AP1S2: variants seen among roughly 807,000 people sequenced by gnomAD.
AP1S2 encodes the protein adaptor related protein complex 1 subunit sigma 2.
Under a neutral mutation model 14.3 loss-of-function variants are expected in AP1S2, and 1 was observed. The observed-to-expected ratio is 0.07, with a 90% confidence interval of 0.02 to 0.33. The LOEUF is 0.33. Ranked by LOEUF, AP1S2 falls within the 10% of genes least tolerant of loss-of-function variation. AP1S2 has a pLI of 0.99. For synonymous variants in AP1S2, 30 were observed against 40.5 expected, an observed-to-expected ratio of 0.74 and a Z score of 0.99; for missense variants, 30 against 117.7, an observed-to-expected ratio of 0.25 and a Z score of 3.45.
Position 15,834,378 on chromosome X carries a change from G to A in AP1S2, c.427-6178C>T, listed in dbSNP as rs1256829650. 4.4e-5 allele frequency among the ~76,000 whole-genome samples: 4 copies of A among 90,521 alleles called. No homozygotes were observed. In the Admixed American group the frequency reaches 5.1e-4, roughly 12 times the overall value. The allele number at this position is 90,521 out of a possible 115,157, so 78.6% of individuals were successfully genotyped here. On this transcript the variant is annotated intron_variant, in intron 4 of 5. Coordinates refer to ENST00000672987, the MANE Select transcript of AP1S2 (RefSeq NM_001272071.2). ...ACCCCATTATCACCACATAACCAAT[G>A]AGAAAGACTCTTCTCATCCGAGACC...
At position 15,834,439 on chromosome X, in the gene AP1S2, A is replaced by AATATATATATATATATATAT. The variant is rs1161066866; in HGVS notation, c.427-6259_427-6240dup. On this transcript the variant is annotated intron_variant, in intron 4 of 5. Transcript: ENST00000672987. ...ATTCCACTCCCATTCTCCCTTCCAAAATATATATATATATATATATATATA... is the reference window on the plus strand; with the variant it reads ...ATTCCACTCCCATTCTCCCTTCCAAAATATATATATATATATATATATATATATATATATATATATATATA... 7.6e-4 allele frequency among the ~76,000 whole-genome samples: 19 copies of AATATATATATATATATATAT among 25,122 alleles called. 1 individual carries two copies. The highest frequency in any genetic ancestry group is 1.0e-3 in the Non-Finnish European group (14 of 13,889). The allele number at this position is 25,122 out of a possible 115,157, so 21.8% of individuals were successfully genotyped here. A position where few individuals can be genotyped will look rare whatever the true frequency, so the allele number is the denominator to read the frequency against.
intron 4 of AP1S2, among the ~76,000 whole-genome samples, chrX:15,837,237 T>A (rs1234348801): frequency 8.9e-6 from 1 of 112,067 alleles, no homozygotes; most frequent in Non-Finnish European, 1.9e-5. Flanking sequence ...GTAAAACCTT[T>A]AAGGCTAACA....
chrX:15,828,098 G>A, intron 5 of AP1S2, 94 bp downstream of exon 5: 1 of 643,585 alleles, frequency 1.6e-6, no homozygotes, highest in Non-Finnish European at 2.3e-6. Context: ...CAACTTTCAG[G>A]TATTACTAGC....
In AP1S2 at chrX:15,840,569, C is replaced by T. The variant is rs755956212; in HGVS notation, c.426+4810G>A. ...TTATCATAAGATATCCTCAGACAAA[C>T]CTCCCCATTCTTCATTCTGGCTCTA... On this transcript the variant is annotated intron_variant, in intron 4 of 5. Coordinates refer to ENST00000672987, the MANE Select transcript of AP1S2 (RefSeq NM_001272071.2). 14 of 978,210 alleles carry T rather than the reference C, an allele frequency of 1.4e-5. No homozygotes were observed. In the South Asian group the frequency reaches 2.8e-4, roughly 19 times the overall value. 80.6% of individuals were successfully genotyped at this position (978,210 alleles called of 1,213,427 possible). A position where few individuals can be genotyped will look rare whatever the true frequency, so the allele number is the denominator to read the frequency against.
At chrX:15,832,883 T>C in intron 4 of AP1S2, 1 of 1,006,304 alleles carries the variant, frequency 9.9e-7, no homozygotes, top group Non-Finnish European at 1.3e-6. Context: ...CTTGACAAAA[T>C]TGTCATTACA....
At position 15,852,375 on chromosome X, in the gene AP1S2, C is replaced by T. The variant is rs767055780; in HGVS notation, c.150G>A (p.Glu50=). 5 of 1,209,583 alleles carry T rather than the reference C, an allele frequency of 4.1e-6. No individual in the cohort carries two copies. Among genetic ancestry groups the T allele is most frequent in the African/African-American group, 3.5e-5 (2 of 57,321 alleles). Residue 50 remains glutamate (E), a synonymous_variant, in exon 2 of 6, where the codon GAG becomes GAA. Transcript: ENST00000672987. ...TGTAAACAATCTTCAGATCTCGCCACTCAAGGAAGCTGCACATTTTAGGTT... is the reference window on the plus strand; with the variant it reads ...TGTAAACAATCTTCAGATCTCGCCATTCAAGGAAGCTGCACATTTTAGGTT... The part of the protein sequence containing the change: ...ARKPKMCSFL[E]WRDLKIVYKR...
In AP1S2 at chrX:15,845,912, A is replaced by G. The variant is rs1459349651; in HGVS notation, c.279T>C (p.Tyr93=). Residue 93 remains tyrosine, a synonymous_variant, in exon 3 of 6, where the codon TAT becomes TAC. Coordinates refer to ENST00000672987, the MANE Select transcript of AP1S2 (RefSeq NM_001272071.2). ...ATAAAATACTACTCACACTGCCGAAATACTTGTCAAGTAATTCCACATAAC... is the reference window on the plus strand; with the variant it reads ...ATAAAATACTACTCACACTGCCGAAGTACTTGTCAAGTAATTCCACATAAC... ...IHRYVELLDK[Y]FGSVCELDII... The G allele has an allele frequency of 2.5e-6, 3 of 1,196,033 alleles. No individual in the cohort carries two copies. In the African/African-American group the frequency reaches 5.3e-5, roughly 21 times the overall value.
intron 4 of AP1S2, chrX:15,833,178 C>G: frequency 4.0e-6 from 3 of 753,703 alleles, no homozygotes; most frequent in Non-Finnish European, 4.7e-6. Context: ...ATGTAAAAAC[C>G]AACCATCGAG....
intron 4 of AP1S2, chrX:15,840,400 G>A: frequency 7.6e-6 from 3 of 394,508 alleles, no homozygotes; most frequent in Non-Finnish European, 1.2e-5. Context: ...TGATCTTCAC[G>A]GATCAAGCAA....
intron 4 of AP1S2, among the ~76,000 whole-genome samples, chrX:15,834,141 C>A (rs982730749): frequency 9.3e-6 from 1 of 107,350 alleles, no homozygotes; most frequent in African/African-American, 3.4e-5. Context: ...GCTTTCAATC[C>A]CAGGAAATCT....
At chrX:15,843,697 G>A in intron 4 of AP1S2, among the ~76,000 whole-genome samples, 1 of 112,240 alleles carries the variant, frequency 8.9e-6, no homozygotes. Flanking sequence ...GGTTCTGACA[G>A]AGCAGAATAC....
chrX:15,840,621 G>A, intron 4 of AP1S2: 1 of 833,943 alleles, frequency 1.2e-6, no homozygotes, highest in Non-Finnish European at 1.6e-6. Context: ...AGAAAAACTG[G>A]TAAGTGCTTG....
At chrX:15,830,439 T>C in intron 4 of AP1S2, 1 of 751,611 alleles carries the variant, frequency 1.3e-6, no homozygotes. Context: ...ATACTAAGTT[T>C]GGTCAAAACA....
At chrX:15,852,865 C>T (rs949066036) in intron 1 of AP1S2, 1 of 750,293 alleles carries the variant, frequency 1.3e-6, no homozygotes, top group Non-Finnish European at 1.6e-6. Context: ...CTATACATTG[C>T]GCACTCTCTA....
chrX:15,829,739 C>CTAAAG (rs1407093832), intron 4 of AP1S2, among the ~76,000 whole-genome samples: 1 of 111,523 alleles, frequency 9.0e-6, no homozygotes, highest in African/African-American at 3.3e-5. Flanking sequence ...TATTATCTAT[C>CTAAAG]TAAAGTAGTA....
intron 4 of AP1S2, among the ~76,000 whole-genome samples, chrX:15,828,597 T>A (rs1458483412): frequency 9.0e-6 from 1 of 111,301 alleles, no homozygotes; most frequent in Admixed American, 9.6e-5. Context: ...GGTATTTTTT[T>A]AAAAAGAGTC....
At chrX:15,830,009 CGTT>C in intron 4 of AP1S2, 1 of 631,492 alleles carries the variant, frequency 1.6e-6, no homozygotes, top group Non-Finnish European at 1.9e-6. Flanking sequence ...AAATATAAAA[CGTT>C]ATTTTATGAG....
chrX:15,841,520 A>G, intron 4 of AP1S2, among the ~76,000 whole-genome samples: 1 of 112,322 alleles, frequency 8.9e-6, no homozygotes, highest in East Asian at 2.8e-4. Flanking sequence ...CAATTTTGGA[A>G]GCAAAATCAT....
intron 2 of AP1S2, among the ~76,000 whole-genome samples, chrX:15,851,313 T>C (rs759762734): frequency 2.7e-5 from 3 of 112,228 alleles, no homozygotes; most frequent in African/African-American, 9.7e-5. Context: ...ACTTATGTCT[T>C]GTAATCTCCA....
Sources: gnomAD v4.1 joint callset for allele counts (sites outside exome capture counted in the v4.1 genomes callset) on GRCh38, gnomAD v4.1.1 for gene constraint, MANE v1.5 for transcripts, NCBI Gene and HGNC (gene_info 2026-07-23, HGNC 2026-07-21) for gene names.